The following MAPK6 variants were observed in gnomAD, a reference collection of about 807,000 sequenced individuals.
MAPK6 encodes the protein mitogen-activated protein kinase 6.
In MAPK6, 19 loss-of-function variants were observed where a neutral mutation model predicts 59.3. The ratio of observed to expected loss-of-function variants is 0.32; its 90% CI spans 0.22 to 0.47. The LOEUF (loss-of-function observed/expected upper bound fraction) is 0.47. MAPK6 is among the 20% of genes least tolerant of loss of function. The pLI, the probability that MAPK6 is intolerant of heterozygous loss-of-function variation, is 1.00. For synonymous variants in MAPK6, 316 were observed against 290.3 expected (o/e 1.09, Z -0.90); for missense variants, 724 against 847.9 (o/e 0.85, Z 1.81).
rs1395771701 is a variant in MAPK6, at chr15:51,979,822, ATG to A, written c.-879-3374_-879-3373del. On this transcript the variant is annotated intron_variant, in intron 1 of 7. Transcript: ENST00000691380. ...AAAATAAAAGTAAAAAAATGTGAAT[ATG>A]TGTGTGTGTCTAGCATGTAAACAGA... 1.5e-4 allele frequency among the ~76,000 whole-genome samples: 22 copies of A among 151,580 alleles called. 1 individual carries two copies. The highest frequency in any genetic ancestry group is 1.5e-5 in the Non-Finnish European group (1 of 67,862).
At chr15:51,994,462 G>A (rs1490963955) in intron 2 of MAPK6, among the ~76,000 whole-genome samples, 1 of 152,046 alleles carries the variant, frequency 6.6e-6, no homozygotes, top group African/African-American at 2.4e-5. Flanking sequence ...GTTCGTCTGA[G>A]GTTTCATCAT....
chr15:52,023,358 TGA>T (rs57799035), intron 1 of MAPK6, among the ~76,000 whole-genome samples: 8,342 of 152,234 alleles, frequency 0.055, 439 homozygotes, highest in African/African-American at 0.13. Context: ...TGTGGGCTGT[TGA>T]ACATTACACT....
intron 2 of MAPK6, among the ~76,000 whole-genome samples, chr15:51,998,527 C>G (rs1408540709): frequency 7.4e-6 from 1 of 134,288 alleles, no homozygotes; most frequent in Non-Finnish European, 1.6e-5. Context: ...TTTCTCCCCT[C>G]TCTCTTTTTT....
At chr15:52,045,238 A>G (rs1269127749) in intron 1 of MAPK6, among the ~76,000 whole-genome samples, 1 of 152,212 alleles carries the variant, frequency 6.6e-6, no homozygotes, top group African/African-American at 2.4e-5. Context: ...TGACATTAAC[A>G]GAGATGCATG....
intron 1 of MAPK6, among the ~76,000 whole-genome samples, chr15:51,979,022 G>A (rs1331182083): frequency 6.6e-6 from 1 of 150,788 alleles, no homozygotes; most frequent in African/African-American, 2.4e-5. Flanking sequence ...GAGGCATGAG[G>A]ATCATTTGAG....
chr15:52,064,685 A>G lies in MAPK6; in HGVS notation c.1851A>G (p.Glu617=), dbSNP rs781388541. 1 of 1,611,920 alleles carries G rather than the reference A, an allele frequency of 6.2e-7. No individual in the cohort carries two copies. Among genetic ancestry groups the G allele is most frequent in the South Asian group, 1.1e-5 (1 of 90,962 alleles). ...INQFCEVRKD[E]QVEKENTYTS... is the part of the protein sequence containing the mutation. ...AGTTTTGTGAGGTAAGGAAGGATGAACAAGTTGAGAAGGAAAACACTTACA... is the reference window on the plus strand; with the variant it reads ...AGTTTTGTGAGGTAAGGAAGGATGAGCAAGTTGAGAAGGAAAACACTTACA... The change falls in exon 6 of 6, where the codon GAA becomes GAG. Residue 617 remains glutamate, a synonymous_variant. Coordinates refer to ENST00000261845, the MANE Select transcript of MAPK6 (RefSeq NM_002748.4).
chr15:51,973,660 T>C (rs536873236), intron 1 of MAPK6, among the ~76,000 whole-genome samples: 1 of 147,130 alleles, frequency 6.8e-6, no homozygotes, highest in East Asian at 2.0e-4. Flanking sequence ...TTGGCTACAC[T>C]TTTTTTTTTT....
intron 2 of MAPK6, among the ~76,000 whole-genome samples, chr15:51,991,605 A>C (rs932487224): frequency 6.6e-6 from 1 of 152,260 alleles, no homozygotes; most frequent in Non-Finnish European, 1.5e-5. Flanking sequence ...ACTAGTTTCT[A>C]GTTTCCTAAG....
chr15:52,038,698 C>A (rs1325289957), intron 1 of MAPK6, among the ~76,000 whole-genome samples: 1 of 152,150 alleles, frequency 6.6e-6, no homozygotes, highest in Non-Finnish European at 1.5e-5. Flanking sequence ...TCCAATATTT[C>A]TTTAATGTTA....
At chr15:51,976,321 A>C (rs544406586) in intron 1 of MAPK6, among the ~76,000 whole-genome samples, 1 of 151,564 alleles carries the variant, frequency 6.6e-6, no homozygotes, top group Non-Finnish European at 1.5e-5. Context: ...GGTACTAAAA[A>C]TTGAAAGCCA....
At chr15:52,029,823 T>G (rs1368331333) in intron 1 of MAPK6, among the ~76,000 whole-genome samples, 4 of 152,254 alleles carry the variant, frequency 2.6e-5, no homozygotes, top group Non-Finnish European at 5.9e-5. Flanking sequence ...TTATGTCACC[T>G]GGCTTACTGA....
At chr15:51,986,113 G>A (rs1301478384) in intron 2 of MAPK6, among the ~76,000 whole-genome samples, 1 of 152,128 alleles carries the variant, frequency 6.6e-6, no homozygotes, top group Non-Finnish European at 1.5e-5. Flanking sequence ...AGCATGGCTG[G>A]GAGGCCTCAG....
chr15:52,050,142 G>C lies in MAPK6; in HGVS notation c.700+5G>C, dbSNP rs781697887. The C allele has an allele frequency of 1.9e-6, 3 of 1,592,454 alleles. No homozygotes were observed. The highest frequency in any genetic ancestry group is 2.6e-6 in the Non-Finnish European group (3 of 1,175,388). ...CTGGTAAAACCCTTTTTGCAGGTTAGTATTTTGTGGGGGGAAAAATTTTCC... is the reference window on the plus strand; with the variant it reads ...CTGGTAAAACCCTTTTTGCAGGTTACTATTTTGTGGGGGGAAAAATTTTCC... On this transcript the variant is annotated splice_donor_5th_base_variant and intron_variant, in intron 3 of 5. Coordinates refer to ENST00000261845, the MANE Select transcript of MAPK6 (RefSeq NM_002748.4).
intron 2 of MAPK6, among the ~76,000 whole-genome samples, chr15:51,997,967 C>T (rs1163049975): frequency 3.4e-5 from 5 of 145,978 alleles, no homozygotes; most frequent in Non-Finnish European, 7.5e-5. Context: ...CTTTTTGAGA[C>T]AAAGTCTCGC....
At chr15:52,016,563 CATT>C (rs1175415180), upstream of MAPK6, among the ~76,000 whole-genome samples, 1 of 152,184 alleles carries the variant, frequency 6.6e-6, no homozygotes, top group Non-Finnish European at 1.5e-5. Context: ...CCATTTATCT[CATT>C]AAGTTACTCA....
intron 1 of MAPK6, among the ~76,000 whole-genome samples, chr15:52,024,289 C>T (rs770555940): frequency 7.2e-5 from 11 of 152,158 alleles, no homozygotes; most frequent in Non-Finnish European, 1.5e-4. Flanking sequence ...AGTGTGATTT[C>T]TGGACCAACA....
upstream of MAPK6, among the ~76,000 whole-genome samples, chr15:52,016,880 C>T (rs966884417): frequency 6.6e-6 from 1 of 152,078 alleles, no homozygotes; most frequent in African/African-American, 2.4e-5. Context: ...CTCGTCTCTA[C>T]TAAAAATACA....
intron 5 of MAPK6, 149 bp from the exon 6 acceptor site, chr15:52,063,753 A>C: frequency 2.0e-6 from 1 of 508,168 alleles, no homozygotes; most frequent in Non-Finnish European, 3.2e-6. Context: ...TATCAAGACT[A>C]AGTTCTGGTA....
Position 52,047,035 on chromosome 15 carries a change from T to G in MAPK6, c.555+20T>G. 1 of 1,504,166 alleles carries G rather than the reference T, an allele frequency of 6.6e-7. No homozygotes were observed. Among genetic ancestry groups the G allele is most frequent in the African/African-American group, 1.4e-5 (1 of 71,706 alleles). The allele number at this position is 1,504,166 out of a possible 1,614,324, so 93.2% of individuals were successfully genotyped here. On this transcript the variant is annotated intron_variant, in intron 2 of 5. Coordinates refer to ENST00000261845, the MANE Select transcript of MAPK6 (RefSeq NM_002748.4). Reference sequence around the variant, plus strand: ...CATAAGGTATGTATAGAAAGCCAGCTGAGACAGATCTTTAAACTGATACAC... The same window carrying G: ...CATAAGGTATGTATAGAAAGCCAGCGGAGACAGATCTTTAAACTGATACAC...
Sources: allele counts gnomAD v4.1 joint callset (sites outside exome capture counted in the v4.1 genomes callset), GRCh38; gene constraint gnomAD v4.1.1; transcripts MANE v1.5; gene names NCBI Gene and HGNC (gene_info 2026-07-23, HGNC 2026-07-21).